The following SREK1IP1 variants were observed in gnomAD, a reference collection of about 807,000 sequenced individuals.
The protein encoded by SREK1IP1 is protein SREK1IP1.
Under a neutral mutation model 22.8 loss-of-function variants are expected in SREK1IP1, and 12 were observed. That is an observed-to-expected ratio of 0.53 (90% CI 0.34 to 0.85). SREK1IP1 has a LOEUF of 0.85. SREK1IP1 is among the 40% of genes least tolerant of loss of function. The pLI, the probability that SREK1IP1 is intolerant of heterozygous loss-of-function variation, is 0.02. For missense variants in SREK1IP1, 147 were observed against 171.8 expected (o/e 0.86, Z 0.81); for synonymous variants, 53 against 52.7 (o/e 1.01, Z -0.02).
intron 1 of SREK1IP1, among the ~76,000 whole-genome samples, chr5:64,760,372 T>G (rs1580559340): frequency 6.6e-6 from 1 of 152,176 alleles, no homozygotes; most frequent in East Asian, 1.9e-4. Context: ...GAACAGACAA[T>G]AACATACAGA....
intron 1 of SREK1IP1, among the ~76,000 whole-genome samples, chr5:64,762,667 CGTTA>C (rs1383344885): frequency 4.6e-5 from 7 of 152,056 alleles, no homozygotes; most frequent in African/African-American, 1.4e-4. Flanking sequence ...ATTAATACTT[CGTTA>C]ATTAATAAGA....
chr5:64,742,115 C>T (rs1742561980), intron 2 of SREK1IP1, among the ~76,000 whole-genome samples: 2 of 151,878 alleles, frequency 1.3e-5, no homozygotes, highest in South Asian at 4.2e-4. Context: ...TTTTTTCCTG[C>T]CACCCAATAT....
At chr5:64,730,941 G>C (rs1310253850) in intron 3 of SREK1IP1, among the ~76,000 whole-genome samples, 6 of 149,398 alleles carry the variant, frequency 4.0e-5, no homozygotes. Flanking sequence ...AAGAATAATG[G>C]TGATAACTAT....
chr5:64,746,350 A>G (rs949249272), intron 2 of SREK1IP1, among the ~76,000 whole-genome samples: 3 of 152,214 alleles, frequency 2.0e-5, no homozygotes, highest in Admixed American at 1.3e-4. Context: ...GCAACAAAAG[A>G]AAAAAATTGA....
chr5:64,732,279 C>G (rs1742393719), intron 3 of SREK1IP1, among the ~76,000 whole-genome samples: 2 of 152,156 alleles, frequency 1.3e-5, no homozygotes, highest in Admixed American at 1.3e-4. Context: ...ACATGAAATA[C>G]TTGGAAATAA....
chr5:64,724,423 A>G lies in SREK1IP1; in HGVS notation c.429T>C (p.His143=), dbSNP rs1056888529. The change falls in exon 5 of 5, where the codon CAT becomes CAC. Residue 143 remains histidine, a synonymous_variant. Coordinates refer to ENST00000513458, the MANE Select transcript of SREK1IP1 (RefSeq NM_173829.4). The part of the protein sequence containing the change: ...KEKKKRKKEK[H]SSTPNSSEFS... ...ATTCAGAACTATTAGGTGTAGAAGA[A>G]TGCTTTTCCTTTTTTCTCTTCTTTT... The G allele has an allele frequency of 1.3e-6, 2 of 1,583,674 alleles. No individual in the cohort carries two copies. The highest frequency in any genetic ancestry group is 2.7e-5 in the African/African-American group (2 of 72,804).
chr5:64,758,073 T>TACTAAAA (rs1466579169), intron 1 of SREK1IP1, among the ~76,000 whole-genome samples: 4 of 151,818 alleles, frequency 2.6e-5, no homozygotes, highest in East Asian at 3.9e-4. Context: ...AGATGGGGTT[T>TACTAAAA]CACCATGTTA....
rs1742172564 is a variant in SREK1IP1 at position 64,722,100 on chromosome 5, T to C, written c.*2284A>G. 1 of 152,206 alleles carries C rather than the reference T, an allele frequency of 6.6e-6. No individual in the cohort carries two copies. The highest frequency in any genetic ancestry group is 2.1e-4 in the South Asian group (1 of 4,834). 9.4% of individuals were successfully genotyped at this position (152,206 alleles called of 1,614,324 possible). On this transcript the variant is annotated 3_prime_UTR_variant, in exon 5 of 5. Transcript: ENST00000513458. ...TGAGATTTGCATCCAATCTCAATAA[T>C]AATATCATATTAGAAGAAAATTACT...
chr5:64,758,743 T>C (rs1028671662), intron 1 of SREK1IP1, among the ~76,000 whole-genome samples: 14 of 152,238 alleles, frequency 9.2e-5, no homozygotes, highest in African/African-American at 3.4e-4. Flanking sequence ...CAAAAGGCAC[T>C]GATAAATTCA....
intron 1 of SREK1IP1, among the ~76,000 whole-genome samples, chr5:64,765,867 G>T (rs530226608): frequency 6.6e-6 from 1 of 152,326 alleles, no homozygotes; most frequent in East Asian, 1.9e-4. Context: ...GTGTCCTCCA[G>T]TGTGCCCATA....
At chr5:64,727,264 C>A (rs1742287259) in intron 4 of SREK1IP1, among the ~76,000 whole-genome samples, 1 of 151,626 alleles carries the variant, frequency 6.6e-6, no homozygotes, top group African/African-American at 2.4e-5. Flanking sequence ...CCTGTATGTG[C>A]AAATTTATGC....
In SREK1IP1 at chr5:64,744,779, T is replaced by C. The variant is rs530105328; in HGVS notation, c.62-3579A>G. On this transcript the variant is annotated intron_variant, in intron 2 of 4. Coordinates refer to ENST00000513458, the MANE Select transcript of SREK1IP1 (RefSeq NM_173829.4). ...AATTTTTAACATTAATTTCTTAGCA[T>C]GGGAAAAATAGTTCCTGCTTCACAG... Among the ~76,000 whole-genome samples, 5 of 152,336 alleles carry C rather than the reference T, an allele frequency of 3.3e-5. No homozygotes were observed. In the South Asian group the frequency reaches 8.3e-4, roughly 25 times the overall value.
chr5:64,759,852 AG>A (rs989252121), intron 1 of SREK1IP1, among the ~76,000 whole-genome samples: 1 of 152,194 alleles, frequency 6.6e-6, no homozygotes, highest in Non-Finnish European at 1.5e-5. Flanking sequence ...AAGGAAGTGT[AG>A]GGGGGCATAC....
At chr5:64,754,244 A>G (rs2112107978) in intron 2 of SREK1IP1, 71 bp downstream of exon 2, 1 of 1,471,238 alleles carries the variant, frequency 6.8e-7, no homozygotes, top group Non-Finnish European at 9.5e-7. Flanking sequence ...AGGGTGCTAC[A>G]TTATATTGCC....
intron 3 of SREK1IP1, among the ~76,000 whole-genome samples, chr5:64,728,964 G>A (rs1432637755): frequency 1.3e-5 from 2 of 152,038 alleles, no homozygotes; most frequent in Non-Finnish European, 2.9e-5. Context: ...GAGGCGAGGC[G>A]GGTGGATCAT....
At chr5:64,761,884 A>T (rs1230806275) in intron 1 of SREK1IP1, among the ~76,000 whole-genome samples, 1 of 152,226 alleles carries the variant, frequency 6.6e-6, no homozygotes, top group African/African-American at 2.4e-5. Context: ...AAAAGAAAAA[A>T]AATTTTAAAG....
Position 64,719,565 on chromosome 5 carries a change from G to C in SREK1IP1, c.*4819C>G, listed in dbSNP as rs1418886902. ...TAATAATATTACCATATTGTCTCAG[G>C]TGAAAATCTAGGTTGAGAAAAATTT... On this transcript the variant is annotated 3_prime_UTR_variant, in exon 5 of 5. Coordinates refer to ENST00000513458, the MANE Select transcript of SREK1IP1 (RefSeq NM_173829.4). 1 of 152,040 alleles carries C rather than the reference G, an allele frequency of 6.6e-6. No individual in the cohort carries two copies. The highest frequency in any genetic ancestry group is 1.9e-4 in the East Asian group (1 of 5,188). 9.4% of individuals were successfully genotyped at this position (152,040 alleles called of 1,614,324 possible). A position where few individuals can be genotyped will look rare whatever the true frequency, so the allele number is the denominator to read the frequency against.
intron 2 of SREK1IP1, among the ~76,000 whole-genome samples, chr5:64,749,830 G>T (rs190675950): frequency 6.6e-6 from 1 of 152,188 alleles, no homozygotes; most frequent in African/African-American, 2.4e-5. Flanking sequence ...TTTTTCGATA[G>T]ATTCTTAAAC....
chr5:64,766,407 C>T (rs912049643), intron 1 of SREK1IP1, among the ~76,000 whole-genome samples: 2 of 152,172 alleles, frequency 1.3e-5, no homozygotes, highest in African/African-American at 2.4e-5. Flanking sequence ...ATCACCAACT[C>T]CTAGTGACTC....
Sources: gnomAD v4.1 joint callset for allele counts (sites outside exome capture counted in the v4.1 genomes callset) on GRCh38, gnomAD v4.1.1 for gene constraint, MANE v1.5 for transcripts, NCBI Gene and HGNC (gene_info 2026-07-23, HGNC 2026-07-21) for gene names.